The following FBXL13 variants were observed in gnomAD, a reference collection of about 807,000 sequenced individuals.
FBXL13 encodes the protein F-box and leucine-rich repeat protein 13.
Under a neutral mutation model 83.6 loss-of-function variants are expected in FBXL13, and 67 were observed. The observed-to-expected ratio is 0.80, with a 90% CI of 0.66 to 0.98. The LOEUF (loss-of-function observed/expected upper bound fraction) is 0.98. Ranked by LOEUF, FBXL13 falls within the 50% of genes least tolerant of loss-of-function variation. The pLI is 0.00. For missense variants in FBXL13, 822 were observed against 866.5 expected (o/e 0.95, Z 0.64); for synonymous variants, 272 against 299.5 (o/e 0.91, Z 0.95).
At chr7:102,910,837 C>T (rs1473945261) in intron 11 of FBXL13, among the ~76,000 whole-genome samples, 2 of 152,222 alleles carry the variant, frequency 1.3e-5, no homozygotes, top group African/African-American at 4.8e-5. Flanking sequence ...CAGCTCGCTG[C>T]AGCCTCAATC....
chr7:102,944,093 C>A, intron 8 of FBXL13: 2 of 800,432 alleles, frequency 2.5e-6, no homozygotes, highest in Non-Finnish European at 3.8e-6. Context: ...AAAGAAATCT[C>A]TTTATTTTCA....
At chr7:102,886,907 G>A (rs1167045031) in intron 11 of FBXL13, among the ~76,000 whole-genome samples, 1 of 152,120 alleles carries the variant, frequency 6.6e-6, no homozygotes, top group Non-Finnish European at 1.5e-5. Flanking sequence ...CAGGCCTTTG[G>A]GTTGGATTAT....
At chr7:103,071,095 A>T (rs1260765248) in intron 1 of FBXL13, among the ~76,000 whole-genome samples, 1 of 152,200 alleles carries the variant, frequency 6.6e-6, no homozygotes, top group African/African-American at 2.4e-5. Context: ...ACACAGCATA[A>T]AACAAAATTA....
At chr7:103,060,014 G>C (rs1179065702) in intron 1 of FBXL13, among the ~76,000 whole-genome samples, 2 of 52,830 alleles carry the variant, frequency 3.8e-5, no homozygotes, top group African/African-American at 6.5e-5. Flanking sequence ...ATGATAGCAA[G>C]ATATTTTATA....
At chr7:102,937,463 C>G (rs1352474801) in intron 8 of FBXL13, among the ~76,000 whole-genome samples, 1 of 146,606 alleles carries the variant, frequency 6.8e-6, no homozygotes, top group African/African-American at 2.5e-5. Flanking sequence ...GCTGAGATCA[C>G]GCCACTGCAC....
chr7:102,933,966 T>C (rs371158213), intron 8 of FBXL13: 2 of 1,613,952 alleles, frequency 1.2e-6, no homozygotes, highest in Admixed American at 1.7e-5. Context: ...GCGGCTGAGC[T>C]GCGCAAAGCA....
At chr7:102,994,610 A>C (rs1829906297) in intron 6 of FBXL13, among the ~76,000 whole-genome samples, 2 of 152,224 alleles carry the variant, frequency 1.3e-5, no homozygotes, top group South Asian at 4.1e-4. Flanking sequence ...CCTTCAGTGG[A>C]AACAAAAGAT....
chr7:103,069,725 G>A (rs1798745756), intron 1 of FBXL13, among the ~76,000 whole-genome samples: 2 of 152,204 alleles, frequency 1.3e-5, no homozygotes, highest in South Asian at 4.1e-4. Flanking sequence ...TGGCGAAAGA[G>A]TATATCATCT....
At chr7:103,013,607 T>C (rs1219676329) in intron 6 of FBXL13, among the ~76,000 whole-genome samples, 1 of 151,996 alleles carries the variant, frequency 6.6e-6, no homozygotes, top group African/African-American at 2.4e-5. Flanking sequence ...ATACAAGATA[T>C]CAGAATTTCT....
chr7:102,906,006 G>A (rs1813694718), intron 11 of FBXL13, among the ~76,000 whole-genome samples: 2 of 152,070 alleles, frequency 1.3e-5, no homozygotes, highest in Admixed American at 1.3e-4. Context: ...CACATGGCTG[G>A]GGAGGCCTCA....
intron 6 of FBXL13, chr7:102,973,537 A>C (rs758846914): frequency 1.3e-5 from 10 of 764,464 alleles, no homozygotes; most frequent in Non-Finnish European, 2.4e-5. Flanking sequence ...GCGCTCATTA[A>C]AACAGCAGGT....
intron 6 of FBXL13, among the ~76,000 whole-genome samples, chr7:103,001,106 A>G: frequency 6.6e-6 from 1 of 151,284 alleles, no homozygotes; most frequent in Non-Finnish European, 1.5e-5. Context: ...CACCACACCC[A>G]GTTCTATATA....
chr7:103,017,858 C>T (rs1253030102), intron 6 of FBXL13, among the ~76,000 whole-genome samples: 6 of 152,034 alleles, frequency 3.9e-5, no homozygotes, highest in Non-Finnish European at 8.8e-5. Flanking sequence ...GATTGGTGTA[C>T]CTGAAAGTGA....
At chr7:102,944,607 A>G (rs758020457) in intron 8 of FBXL13, 5 of 1,585,598 alleles carry the variant, frequency 3.2e-6, no homozygotes, top group Non-Finnish European at 4.3e-6. Context: ...TAGTAGGATA[A>G]GGTAGAAATT....
At chr7:102,942,116 T>C (rs1456559668) in intron 8 of FBXL13, among the ~76,000 whole-genome samples, 1 of 152,208 alleles carries the variant, frequency 6.6e-6, no homozygotes, top group Non-Finnish European at 1.5e-5. Flanking sequence ...TTTCCCCCTT[T>C]GTTCAATTCA....
chr7:102,917,738 C>T (rs574489625), intron 10 of FBXL13, among the ~76,000 whole-genome samples: 2 of 152,288 alleles, frequency 1.3e-5, no homozygotes, highest in East Asian at 3.9e-4. Context: ...TCCAGGATGA[C>T]ACTTCTTGTA....
chr7:103,006,740 G>A (rs1585326147), intron 6 of FBXL13, among the ~76,000 whole-genome samples: 1 of 151,910 alleles, frequency 6.6e-6, no homozygotes, highest in Non-Finnish European at 1.5e-5. Flanking sequence ...GCAGGAAAAC[G>A]TGACAAATAA....
At chr7:102,946,650 TTTTA>T (rs10570570) in intron 8 of FBXL13, among the ~76,000 whole-genome samples, 107,332 of 140,772 alleles carry the variant, frequency 0.76, 42,950 homozygotes, top group Non-Finnish European at 0.88. Flanking sequence ...TCTATTTTTA[TTTTA>T]TTTATTTATT....
chr7:102,995,042 A>C (rs2129484880), intron 6 of FBXL13, among the ~76,000 whole-genome samples: 1 of 152,218 alleles, frequency 6.6e-6, no homozygotes, highest in South Asian at 2.1e-4. Context: ...TAAAAGGTAA[A>C]AGCTTAGCAC....
Sources: allele counts gnomAD v4.1 joint callset (sites outside exome capture counted in the v4.1 genomes callset), GRCh38; gene constraint gnomAD v4.1.1; transcripts MANE v1.5; gene names NCBI Gene and HGNC (gene_info 2026-07-23, HGNC 2026-07-21).